The following ADAMTSL1 variants were observed in gnomAD, a reference collection of about 807,000 sequenced individuals.
ADAMTSL1 encodes the protein ADAMTS like 1.
Under a neutral mutation model 201.8 loss-of-function variants are expected in ADAMTSL1, and 126 were observed. The observed-to-expected ratio is 0.62, with a 90% CI of 0.54 to 0.72. The LOEUF is 0.72. ADAMTSL1 is among the 30% of genes least tolerant of loss of function. The probability of loss-of-function intolerance (pLI) is 0.00; values close to 1 mark genes in which losing one functional copy is unlikely to be tolerated. For synonymous variants in ADAMTSL1, 1,121 were observed against 903.4 expected (o/e 1.24, Z -4.32); for missense variants, 2,679 against 2,277.8 (o/e 1.18, Z -3.59).
At chr9:18,386,486 T>A (rs1423168311) in intron 2 of ADAMTSL1, among the ~76,000 whole-genome samples, 1 of 152,174 alleles carries the variant, frequency 6.6e-6, no homozygotes, top group Non-Finnish European at 1.5e-5. Flanking sequence ...CATGCAAAAT[T>A]TTAAAATGTT....
rs562153565 is a variant in ADAMTSL1, at chr9:18,801,517, G to A, written c.3805+5993G>A. 2.0e-5 allele frequency among the ~76,000 whole-genome samples: 3 copies of A among 152,026 alleles called. No individual in the cohort carries two copies. The South Asian group carries it at 6.3e-4, about 32-fold the overall frequency. ...ACCCAATAGCTATTTTTTCAGCTCC[G>A]CTCTCTCCTCCCACTCTCCACCCTC... is the stretch of plus-strand genomic sequence containing the variant. On this transcript the variant is annotated intron_variant, in intron 20 of 28. Transcript: ENST00000380548.
intron 2 of ADAMTSL1, among the ~76,000 whole-genome samples, chr9:18,328,473 CACTT>C (rs2132892863): frequency 6.6e-6 from 1 of 152,316 alleles, no homozygotes; most frequent in African/African-American, 2.4e-5. Flanking sequence ...TGTATTAACT[CACTT>C]AGCCCTCCTA....
intron 2 of ADAMTSL1, among the ~76,000 whole-genome samples, chr9:18,293,823 A>T (rs1833367982): frequency 6.6e-6 from 1 of 152,178 alleles, no homozygotes; most frequent in African/African-American, 2.4e-5. Context: ...TCTTATATAG[A>T]CTATACAACT....
chr9:18,736,039 A>G (rs145728940), intron 15 of ADAMTSL1, among the ~76,000 whole-genome samples: 276 of 152,292 alleles, frequency 1.8e-3, no homozygotes, highest in African/African-American at 6.2e-3. Flanking sequence ...AGTTTTAAAT[A>G]TCATCATGCT....
At chr9:18,144,933 T>C (rs941515315) in intron 1 of ADAMTSL1, among the ~76,000 whole-genome samples, 8 of 152,190 alleles carry the variant, frequency 5.3e-5, no homozygotes, top group Non-Finnish European at 1.2e-4. Context: ...CCTTCAGATC[T>C]TTGGAGCTGT....
chr9:18,617,211 A>G (rs1453442510), intron 4 of ADAMTSL1, among the ~76,000 whole-genome samples: 1 of 152,228 alleles, frequency 6.6e-6, no homozygotes, highest in Non-Finnish European at 1.5e-5. Context: ...TAAGAATGTC[A>G]GTCTGAGGCA....
intron 1 of ADAMTSL1, among the ~76,000 whole-genome samples, chr9:18,055,574 C>G (rs1445266794): frequency 1.3e-5 from 2 of 152,216 alleles, no homozygotes; most frequent in Non-Finnish European, 2.9e-5. Flanking sequence ...GTTTGCTTTT[C>G]TATGGTTCCC....
At chr9:18,564,103 C>T (rs552668938) in intron 3 of ADAMTSL1, among the ~76,000 whole-genome samples, 28 of 152,292 alleles carry the variant, frequency 1.8e-4, no homozygotes, top group African/African-American at 5.8e-4. Flanking sequence ...CTTAAACGGC[C>T]GCCCAGTTTT....
intron 4 of ADAMTSL1, among the ~76,000 whole-genome samples, chr9:18,597,055 T>A (rs1263067722): frequency 6.6e-6 from 1 of 152,206 alleles, no homozygotes; most frequent in Non-Finnish European, 1.5e-5. Context: ...AGACCACATA[T>A]TACTCATCTT....
rs574259436 is a variant in ADAMTSL1 at position 17,961,187 on chromosome 9, A to C, written c.87+54265A>C. ...ACTATGTGGATTTGGACAAGTTTTTAATCTCTCTGAGGCTGTTTTTTCACC... is the reference window on the plus strand; with the variant it reads ...ACTATGTGGATTTGGACAAGTTTTTCATCTCTCTGAGGCTGTTTTTTCACC... On this transcript the variant is annotated intron_variant, in intron 1 of 29. Transcript: ENST00000680146. 1.6e-4 allele frequency among the ~76,000 whole-genome samples: 24 copies of C among 152,186 alleles called. No homozygotes were observed. The South Asian group carries it at 4.8e-3, about 30-fold the overall frequency.
intron 1 of ADAMTSL1, among the ~76,000 whole-genome samples, chr9:18,475,596 T>C (rs1563982697): frequency 6.6e-6 from 1 of 152,186 alleles, no homozygotes; most frequent in Non-Finnish European, 1.5e-5. Flanking sequence ...GAATGAACTA[T>C]AAGTTTTAGC....
At chr9:18,890,952 TGTTTTCTTGGATTTCAATG>T (rs1829223557) in intron 25 of ADAMTSL1, among the ~76,000 whole-genome samples, 1 of 149,482 alleles carries the variant, frequency 6.7e-6, no homozygotes, top group South Asian at 2.1e-4. Flanking sequence ...ATAATGGCTC[TGTTTTCTTGGATTTCAATG>T]CCCCCGGGAG....
intron 1 of ADAMTSL1, among the ~76,000 whole-genome samples, chr9:18,071,096 C>G (rs755233852): frequency 6.6e-6 from 1 of 152,142 alleles, no homozygotes. Context: ...GAGAAAGAAA[C>G]AGAAGAGAGA....
intron 14 of ADAMTSL1, among the ~76,000 whole-genome samples, chr9:18,717,107 GATAGCATTGGGAGAT>G (rs1832996278): frequency 6.7e-6 from 1 of 148,720 alleles, no homozygotes; most frequent in African/African-American, 2.5e-5. Context: ...ACGGGGGAGG[GATAGCATTGGGAGAT>G]ATACCTAATG....
intron 2 of ADAMTSL1, among the ~76,000 whole-genome samples, chr9:18,268,920 C>A (rs182432145): frequency 3.3e-5 from 5 of 152,020 alleles, no homozygotes; most frequent in African/African-American, 1.2e-4. Context: ...ATGTATATCT[C>A]AATAAGCTAA....
intron 2 of ADAMTSL1, among the ~76,000 whole-genome samples, chr9:18,323,851 T>C (rs1443517114): frequency 6.6e-6 from 1 of 152,182 alleles, no homozygotes; most frequent in Non-Finnish European, 1.5e-5. Flanking sequence ...AATGGAAAGA[T>C]ATGCCATGTA....
chr9:17,958,039 A>G (rs1827997448), intron 1 of ADAMTSL1, among the ~76,000 whole-genome samples: 1 of 152,180 alleles, frequency 6.6e-6, no homozygotes, highest in Non-Finnish European at 1.5e-5. Context: ...CCTACAAAAT[A>G]TATTATTCTC....
intron 1 of ADAMTSL1, among the ~76,000 whole-genome samples, chr9:18,087,483 C>T (rs892913108): frequency 2.0e-5 from 3 of 151,990 alleles, no homozygotes; most frequent in Admixed American, 6.6e-5. Context: ...CCTAAGTTCT[C>T]AAAATTTTTA....
In ADAMTSL1 at chr9:18,777,175, G is replaced by C. The variant is rs1821078753; in HGVS notation, c.2946G>C (p.Ala982=). ...CGAGAAGTGAGGAAGAGGTGCTTGC[G>C]GGGAGGAAGGGCGGCCCGAAGGAGG... The part of the protein sequence containing the change: ...LSPRSEEEVL[A]GRKGGPKEAL... The change falls in exon 19 of 29, where the codon GCG becomes GCC. Residue 982 remains alanine (A), a synonymous_variant. Transcript: ENST00000380548. 1.9e-6 allele frequency: 3 copies of C among 1,612,760 alleles called. No individual in the cohort carries two copies. The highest frequency in any genetic ancestry group is 2.2e-5 in the East Asian group (1 of 44,874).
Sources: allele counts gnomAD v4.1 joint callset (sites outside exome capture counted in the v4.1 genomes callset), GRCh38; gene constraint gnomAD v4.1.1; transcripts MANE v1.5; gene names NCBI Gene and HGNC (gene_info 2026-07-23, HGNC 2026-07-21).